TNS4: variants seen among roughly 807,000 people sequenced by gnomAD.
TNS4 encodes tensin-4.
In TNS4, 46 loss-of-function variants were observed where a neutral mutation model predicts 70.4. The ratio of observed to expected loss-of-function variants is 0.65; its 90% CI spans 0.52 to 0.84. TNS4 has a LOEUF of 0.84. Ranked by LOEUF, TNS4 falls within the 40% of genes least tolerant of loss-of-function variation. The probability of loss-of-function intolerance (pLI) is 0.00; values close to 1 mark genes in which losing one functional copy is unlikely to be tolerated. For synonymous variants in TNS4, 390 were observed against 366.6 expected (o/e 1.06, Z -0.73); for missense variants, 863 against 907.0 (o/e 0.95, Z 0.62).
rs75454075 is a variant in TNS4 at position 40,478,967 on chromosome 17, T to C, written c.1911-319A>G. On this transcript the variant is annotated intron_variant, in intron 10 of 12. Transcript: ENST00000254051. ...ATCTTGGTCATCTCTTGTTTCTCCC[T>C]GTGAAGTGCTCAGCCCTGGATCAGG... 8.1e-3 allele frequency among the ~76,000 whole-genome samples: 1,236 copies of C among 152,284 alleles called. 18 individuals carry two copies. Among genetic ancestry groups the C allele is most frequent in the African/African-American group, 0.027 (1,133 of 41,546 alleles).
chr17:40,478,660 C>A lies in TNS4; in HGVS notation c.1911-12G>T. 6.2e-7 allele frequency: 1 copy of A among 1,613,832 alleles called. No homozygotes were observed. Among genetic ancestry groups the A allele is most frequent in the Non-Finnish European group, 8.5e-7 (1 of 1,179,802 alleles). On this transcript the variant is annotated splice_polypyrimidine_tract_variant and intron_variant, in intron 10 of 12. Coordinates refer to ENST00000254051, the MANE Select transcript of TNS4 (RefSeq NM_032865.6). ...GCCGGAAAAACACCCTAGGAGGAGG[C>A]GGGGAGAGAAGGGAAGCGATGACAG...
At chr17:40,481,337 C>T (rs2035918884) in intron 8 of TNS4, among the ~76,000 whole-genome samples, 1 of 151,954 alleles carries the variant, frequency 6.6e-6, no homozygotes, top group African/African-American at 2.4e-5. Context: ...TCCTTCCTTT[C>T]CTTCCTTCTT....
Position 40,477,342 on chromosome 17 carries a change from C to T in TNS4, c.*246G>A, listed in dbSNP as rs535540400. On this transcript the variant is annotated 3_prime_UTR_variant, in exon 13 of 13. Coordinates refer to ENST00000254051, the MANE Select transcript of TNS4 (RefSeq NM_032865.6). Reference sequence around the variant, plus strand: ...AGCATGTTCAAATGCCCACCAGCATCTAAGAACAGCTGATCTTGTCTATTG... The same window carrying T: ...AGCATGTTCAAATGCCCACCAGCATTTAAGAACAGCTGATCTTGTCTATTG... 241 of 488,752 alleles carry T rather than the reference C, an allele frequency of 4.9e-4. 1 individual carries two copies. The highest frequency in any genetic ancestry group is 4.4e-3 in the African/African-American group (225 of 51,332). 30.3% of individuals were successfully genotyped at this position (488,752 alleles called of 1,614,324 possible).
intron 9 of TNS4, 177 bp from the exon 10 acceptor site, chr17:40,480,019 G>T: frequency 1.3e-6 from 1 of 743,450 alleles, no homozygotes; most frequent in Non-Finnish European, 2.1e-6. Context: ...CAACCCCAGA[G>T]GGCTTTGGGA....
intron 3 of TNS4, 72 bp downstream of exon 3, chr17:40,488,474 A>T: frequency 7.3e-7 from 1 of 1,374,840 alleles, no homozygotes; most frequent in Non-Finnish European, 9.5e-7. Context: ...GGTCCCTTTC[A>T]GTGATTTTAG....
At chr17:40,488,424 T>C in intron 3 of TNS4, 122 bp downstream of exon 3, 2 of 876,780 alleles carry the variant, frequency 2.3e-6, no homozygotes, top group Non-Finnish European at 3.3e-6. Flanking sequence ...CATTTGCTTC[T>C]GGTTTTGGTG....
chr17:40,482,925 C>G (rs1035037842), intron 6 of TNS4, among the ~76,000 whole-genome samples: 1 of 151,828 alleles, frequency 6.6e-6, no homozygotes, highest in African/African-American at 2.4e-5. Flanking sequence ...GGTGGGGAAA[C>G]CTTTCTGCTG....
At chr17:40,490,039 G>T (rs532927854) in intron 2 of TNS4, among the ~76,000 whole-genome samples, 6 of 152,346 alleles carry the variant, frequency 3.9e-5, no homozygotes, top group Non-Finnish European at 7.4e-5. Flanking sequence ...AACATAATCT[G>T]CATTTTAGCG....
chr17:40,490,282 C>T (rs941660275), intron 2 of TNS4, among the ~76,000 whole-genome samples: 12 of 151,974 alleles, frequency 7.9e-5, no homozygotes, highest in African/African-American at 1.5e-4. Context: ...GTTCCTCTCC[C>T]GAGGTCGGCC....
chr17:40,500,785 C>T (rs1397063565), intron 1 of TNS4, among the ~76,000 whole-genome samples: 8 of 152,156 alleles, frequency 5.3e-5, no homozygotes, highest in Non-Finnish European at 8.8e-5. Flanking sequence ...AACTGGCTCC[C>T]GATCTTCCCA....
chr17:40,481,318 G>T (rs777920431), intron 8 of TNS4, among the ~76,000 whole-genome samples: 1 of 152,072 alleles, frequency 6.6e-6, no homozygotes, highest in Non-Finnish European at 1.5e-5. Context: ...TAGAACCCTC[G>T]TTTTCTTTTC....
At chr17:40,494,500 G>T (rs2036115940) in intron 2 of TNS4, among the ~76,000 whole-genome samples, 1 of 152,210 alleles carries the variant, frequency 6.6e-6, no homozygotes, top group Admixed American at 6.5e-5. Context: ...GGGAGGCCAA[G>T]GTGGGTGGAT....
intron 2 of TNS4, among the ~76,000 whole-genome samples, chr17:40,491,441 A>G (rs1329225228): frequency 3.9e-5 from 6 of 152,240 alleles, no homozygotes; most frequent in Non-Finnish European, 8.8e-5. Context: ...TGAGTTATCC[A>G]ATGCTGCACA....
chr17:40,488,307 G>C (rs2036019175), intron 3 of TNS4, among the ~76,000 whole-genome samples: 1 of 152,154 alleles, frequency 6.6e-6, no homozygotes, highest in South Asian at 2.1e-4. Flanking sequence ...CCTCATTAAG[G>C]CAACGGCTCT....
rs762187837 is a variant in TNS4, at chr17:40,488,988, G to A, written c.440-19C>T. 3.2e-6 allele frequency: 5 copies of A among 1,539,886 alleles called. No individual in the cohort carries two copies. The highest frequency in any genetic ancestry group is 1.4e-5 in the African/African-American group (1 of 72,236). ...TTTATGTCTTTGGGGGAGAAAAGCA[G>A]AGCATTGGTGAAATGCAGGAGCCTG... On this transcript the variant is annotated intron_variant, in intron 2 of 12. Coordinates refer to ENST00000254051, the MANE Select transcript of TNS4 (RefSeq NM_032865.6).
intron 3 of TNS4, 92 bp downstream of exon 3, chr17:40,488,454 G>A: frequency 7.7e-7 from 1 of 1,291,032 alleles, no homozygotes; most frequent in Non-Finnish European, 1.0e-6. Context: ...ATTTTGCTCA[G>A]ACAGAGCAGG....
At chr17:40,487,510 G>T (rs780670582) in intron 3 of TNS4, 50 bp from the exon 4 acceptor site, 2 of 1,550,406 alleles carry the variant, frequency 1.3e-6, no homozygotes, top group South Asian at 1.2e-5. Context: ...GGTGGCTCAG[G>T]GGCTAGAGTC....
rs779685603 is a variant in TNS4, at chr17:40,484,968, A to C, written c.1328T>G (p.Met443Arg). The change falls in exon 5 of 13, where the codon ATG becomes AGG. Residue 443 changes from methionine (M) to arginine (R), a missense_variant. By Grantham distance (91) the Met-to-Arg change is moderately conservative. Coordinates refer to ENST00000254051, the MANE Select transcript of TNS4 (RefSeq NM_032865.6). ...CTTAAACCAGTATTTAGATGTGTCC[A>C]TCACGAACTTCATGGTGGGCTGCAT... is the stretch of plus-strand genomic sequence containing the variant. ...RDMQPTMKFV[M>R]DTSKYWFKPN... The C allele has an allele frequency of 6.2e-7, 1 of 1,614,234 alleles. No individual in the cohort carries two copies. Among genetic ancestry groups the C allele is most frequent in the Admixed American group, 1.7e-5 (1 of 60,028 alleles).
chr17:40,482,330 A>G lies in TNS4; in HGVS notation c.1588T>C (p.Tyr530His). 1 of 1,614,176 alleles carries G rather than the reference A, an allele frequency of 6.2e-7. No individual in the cohort carries two copies. The highest frequency in any genetic ancestry group is 8.5e-7 in the Non-Finnish European group (1 of 1,180,026). The change falls in exon 7 of 13, where the codon TAC (tyrosine) becomes CAC (histidine). Residue 530 changes from tyrosine (Y) to histidine (H), a missense_variant. By Grantham distance (83) the Tyr-to-His change is moderately conservative. Coordinates refer to ENST00000254051, the MANE Select transcript of TNS4 (RefSeq NM_032865.6). ...VHLKGADEEP[Y>H]FGSLSAFVCQ... ...GGAGGCTGGGGAGTCTCACCAAAGT[A>G]GGGCTCCTCATCTGCTCCTTTGAGA...
Sources: allele counts gnomAD v4.1 joint callset (sites outside exome capture counted in the v4.1 genomes callset), GRCh38; gene constraint gnomAD v4.1.1; transcripts MANE v1.5; gene names NCBI Gene and HGNC (gene_info 2026-07-23, HGNC 2026-07-21).